RARB: variants seen among roughly 807,000 people sequenced by gnomAD.
RARB encodes retinoic acid receptor beta.
Under a neutral mutation model 51.9 loss-of-function variants are expected in RARB, and 17 were observed. The observed-to-expected ratio is 0.33, with a 90% CI of 0.22 to 0.49. The LOEUF is 0.49. Among genes scored for constraint, RARB ranks in the 20% least tolerant of loss-of-function variants. RARB has a pLI of 0.99. For synonymous variants in RARB, 215 were observed against 195.4 expected (o/e 1.10, Z -0.84); for missense variants, 369 against 550.8 (o/e 0.67, Z 3.30).
At position 25,294,219 on chromosome 3, in the gene RARB, C is replaced by T. The variant is rs545623874; in HGVS notation, c.178+119644C>T. Among the ~76,000 whole-genome samples the T allele has an allele frequency of 1.1e-4, 16 of 152,228 alleles. No homozygotes were observed. The South Asian group carries it at 2.5e-3, about 24-fold the overall frequency. ...ACCATATGTTGATTATGTTGTCATT[C>T]GTTAAGAATTAAGTTTATAAACCTT... On this transcript the variant is annotated intron_variant, in intron 5 of 11. Coordinates refer to the RARB transcript ENST00000383772.
chr3:25,296,335 A>C (rs1017233721), intron 5 of RARB, among the ~76,000 whole-genome samples: 10 of 152,148 alleles, frequency 6.6e-5, no homozygotes, highest in African/African-American at 2.4e-4. Context: ...GGAAGTTCCT[A>C]CTTAGAGGAA....
At chr3:25,444,104 A>T (rs966760341) in intron 1 of RARB, among the ~76,000 whole-genome samples, 2 of 152,162 alleles carry the variant, frequency 1.3e-5, no homozygotes, top group Non-Finnish European at 2.9e-5. Context: ...ATTATGTGTC[A>T]GGTGCTTAAA....
At chr3:25,358,018 A>G (rs929392227) in intron 5 of RARB, among the ~76,000 whole-genome samples, 6 of 152,204 alleles carry the variant, frequency 3.9e-5, no homozygotes, top group Non-Finnish European at 8.8e-5. Flanking sequence ...AATGAAATTT[A>G]AAGTAGTTTT....
intron 5 of RARB, among the ~76,000 whole-genome samples, chr3:25,337,883 A>G (rs985407131): frequency 1.3e-5 from 2 of 152,196 alleles, no homozygotes; most frequent in Non-Finnish European, 2.9e-5. Flanking sequence ...TGGATACTCA[A>G]TAAATATTTG....
intron 5 of RARB, among the ~76,000 whole-genome samples, chr3:25,350,306 C>T (rs1295251297): frequency 1.3e-5 from 2 of 152,138 alleles, no homozygotes; most frequent in Non-Finnish European, 2.9e-5. Context: ...CCTACTGTTT[C>T]GGAGCTCTTT....
At chr3:25,202,828 T>A (rs957926202) in intron 5 of RARB, among the ~76,000 whole-genome samples, 33 of 152,158 alleles carry the variant, frequency 2.2e-4, no homozygotes, top group African/African-American at 7.5e-4. Flanking sequence ...GTTCTTTTAC[T>A]TTTGCTGAGG....
At chr3:25,528,560 C>T (rs926280107) in intron 3 of RARB, among the ~76,000 whole-genome samples, 4 of 151,932 alleles carry the variant, frequency 2.6e-5, no homozygotes, top group Admixed American at 2.6e-4. Flanking sequence ...GAGGACTCCC[C>T]TCCTGCCATG....
chr3:25,195,552 T>A (rs777252387), intron 5 of RARB, among the ~76,000 whole-genome samples: 1 of 152,032 alleles, frequency 6.6e-6, no homozygotes. Flanking sequence ...TTAACTACTT[T>A]CCAACTTTAC....
At chr3:25,157,567 T>TG (rs1700399065) in intron 4 of RARB, among the ~76,000 whole-genome samples, 1 of 90,256 alleles carries the variant, frequency 1.1e-5, no homozygotes, top group Non-Finnish European at 2.5e-5. Context: ...CCAGCTAATT[T>TG]TTTATTTTTA....
chr3:25,468,887 G>A (rs927729908), intron 2 of RARB, among the ~76,000 whole-genome samples: 2 of 152,308 alleles, frequency 1.3e-5, no homozygotes, highest in East Asian at 1.9e-4. Context: ...CTATCCCTAA[G>A]CCAACCTTTG....
At chr3:25,398,215 A>T (rs987245749) in intron 5 of RARB, among the ~76,000 whole-genome samples, 2 of 151,936 alleles carry the variant, frequency 1.3e-5, no homozygotes, top group Non-Finnish European at 2.9e-5. Context: ...CTGAGAACAT[A>T]AAAAAAATGA....
At chr3:25,112,154 G>C (rs1699612962) in intron 3 of RARB, among the ~76,000 whole-genome samples, 1 of 152,182 alleles carries the variant, frequency 6.6e-6, no homozygotes, top group South Asian at 2.1e-4. Context: ...GGGACATTGA[G>C]TAGCTTAAAT....
intron 2 of RARB, among the ~76,000 whole-genome samples, chr3:24,978,683 T>C (rs140644526): frequency 0.012 from 1,792 of 152,220 alleles, 44 homozygotes; most frequent in African/African-American, 0.04. Flanking sequence ...TCTGTTTTGT[T>C]AATCTTTTCA....
chr3:25,569,615 G>T (rs1004772079), intron 3 of RARB, 143 bp from the exon 4 acceptor site: 1 of 947,544 alleles, frequency 1.1e-6, no homozygotes, highest in African/African-American at 1.6e-5. Flanking sequence ...TTCCAGGGAG[G>T]TGTGTTATTA....
At chr3:25,159,901 A>G (rs1052095271) in intron 4 of RARB, among the ~76,000 whole-genome samples, 1 of 152,210 alleles carries the variant, frequency 6.6e-6, no homozygotes, top group African/African-American at 2.4e-5. Flanking sequence ...AAGGGAGATA[A>G]TTCAGACACA....
chr3:25,310,201 C>G (rs1388195483), intron 5 of RARB, among the ~76,000 whole-genome samples: 2 of 152,196 alleles, frequency 1.3e-5, no homozygotes, highest in South Asian at 4.1e-4. Flanking sequence ...GGCTGTTTTA[C>G]TAGTCTGGGT....
At chr3:25,412,895 T>G (rs1286801329) in intron 5 of RARB, among the ~76,000 whole-genome samples, 1 of 152,120 alleles carries the variant, frequency 6.6e-6, no homozygotes, top group Non-Finnish European at 1.5e-5. Context: ...GGCGCATGCC[T>G]GTAATCCCAC....
At position 25,074,879 on chromosome 3, in the gene RARB, A is replaced by G. The variant is rs376230181; in HGVS notation, c.-328+14703A>G. 2.8e-4 allele frequency among the ~76,000 whole-genome samples: 42 copies of G among 152,272 alleles called. 1 individual carries two copies. In the South Asian group the frequency reaches 8.5e-3, roughly 31 times the overall value. The stretch of plus-strand genomic sequence containing the variant: ...CTTTTCCTACATATGCAGCGCAGTG[A>G]CTTGTACGTATTTGGCAAATAATTT... On this transcript the variant is annotated intron_variant, in intron 3 of 11. Transcript: ENST00000383772.
chr3:24,968,483 G>T (rs1394943905), intron 2 of RARB, among the ~76,000 whole-genome samples: 1 of 152,098 alleles, frequency 6.6e-6, no homozygotes, highest in Non-Finnish European at 1.5e-5. Flanking sequence ...TTTAGCTTAT[G>T]ATTCTGCTGG....
Sources: allele counts gnomAD v4.1 joint callset (sites outside exome capture counted in the v4.1 genomes callset), GRCh38; gene constraint gnomAD v4.1.1; transcripts MANE v1.5; gene names NCBI Gene and HGNC (gene_info 2026-07-23, HGNC 2026-07-21).